The following ZFP64 variants were observed in gnomAD, a reference collection of about 807,000 sequenced individuals.
ZFP64 encodes zinc finger protein 64.
In ZFP64, 14 loss-of-function variants were observed where a neutral mutation model predicts 51.6. The ratio of observed to expected loss-of-function variants is 0.27; its 90% CI spans 0.18 to 0.42. The LOEUF is 0.42. ZFP64 is among the 10% of genes least tolerant of loss of function. The pLI, the probability that ZFP64 is intolerant of heterozygous loss-of-function variation, is 1.00. For synonymous variants in ZFP64, 375 were observed against 361.4 expected (o/e 1.04, Z -0.43); for missense variants, 754 against 906.8 (o/e 0.83, Z 2.16).
At chr20:52,180,432 C>T (rs995454053) in intron 2 of ZFP64, among the ~76,000 whole-genome samples, 10 of 149,474 alleles carry the variant, frequency 6.7e-5, no homozygotes, top group African/African-American at 1.2e-4. Flanking sequence ...TACATGCTAG[C>T]GGAGAAAACA....
At position 52,157,745 on chromosome 20, in the gene ZFP64, C is replaced by A. The variant is rs536944444; in HGVS notation, c.763+2378G>T. Among the ~76,000 whole-genome samples, 4 of 152,286 alleles carry A rather than the reference C, an allele frequency of 2.6e-5. No individual in the cohort carries two copies. The South Asian group carries it at 8.3e-4, about 32-fold the overall frequency. On this transcript the variant is annotated intron_variant, in intron 5 of 5. Coordinates refer to ENST00000216923, the MANE Select transcript of ZFP64 (RefSeq NM_018197.3). ...TGCAGGTTTGTTACACAGGTACACACGTGCCATGGTGGTTTGCTGACCCAT... is the reference window on the plus strand; with the variant it reads ...TGCAGGTTTGTTACACAGGTACACAAGTGCCATGGTGGTTTGCTGACCCAT...
rs1206393026 is a variant in ZFP64, at chr20:52,151,725, CA to C, written c.*420del. ...ATAAAATTACAATTTATTATGGGGC[CA>C]GGGGGATTCACAACCATCCTTAAAA... On this transcript the variant is annotated 3_prime_UTR_variant, in exon 6 of 6. Transcript: ENST00000216923. 3.0e-6 allele frequency: 3 copies of C among 1,008,224 alleles called. No homozygotes were observed. Among genetic ancestry groups the C allele is most frequent in the African/African-American group, 3.5e-5 (2 of 57,660 alleles). The allele number at this position is 1,008,224 out of a possible 1,614,324, so 62.5% of individuals were successfully genotyped here. A position where few individuals can be genotyped will look rare whatever the true frequency, so the allele number is the denominator to read the frequency against.
chr20:52,126,934 G>A (rs1481664901), intron 5 of ZFP64, among the ~76,000 whole-genome samples: 1 of 151,028 alleles, frequency 6.6e-6, no homozygotes, highest in East Asian at 1.9e-4. Flanking sequence ...TTTAAAGGAA[G>A]TGATATGGTT....
At chr20:52,086,478 A>T (rs1841824343) in intron 8 of ZFP64, among the ~76,000 whole-genome samples, 2 of 142,564 alleles carry the variant, frequency 1.4e-5, no homozygotes, top group African/African-American at 5.3e-5. Flanking sequence ...TTCACAAGGA[A>T]TTTTTTTTTT....
chr20:52,169,703 C>G (rs1982560247), intron 2 of ZFP64, among the ~76,000 whole-genome samples: 1 of 152,146 alleles, frequency 6.6e-6, no homozygotes, highest in South Asian at 2.1e-4. Flanking sequence ...TTTTCTCATT[C>G]CATAGGCTGT....
chr20:52,105,140 C>A, intron 5 of ZFP64: 1 of 1,432,576 alleles, frequency 7.0e-7, no homozygotes, highest in Non-Finnish European at 9.0e-7. Context: ...ACCCGGCTCC[C>A]CCGCCACCTG....
rs1984371600 is a variant in ZFP64, at chr20:52,191,535, G to T, written c.46+56C>A. On this transcript the variant is annotated intron_variant, in intron 1 of 5. Transcript: ENST00000216923. This position sits in a 1 kb window ranked among gnomAD's most constrained non-coding sequence, Gnocchi z 4.3. ...GCGTCGCAGACGTGCTTGGGCCCGG[G>T]CCCCGGAGCGCGCACTGGGCCCCGG... 3.3e-6 allele frequency: 5 copies of T among 1,497,624 alleles called. No homozygotes were observed. The highest frequency in any genetic ancestry group is 4.4e-6 in the Non-Finnish European group (5 of 1,125,850). 92.8% of individuals were successfully genotyped at this position (1,497,624 alleles called of 1,614,324 possible).
intron 2 of ZFP64, among the ~76,000 whole-genome samples, chr20:52,184,968 C>T (rs1427352379): frequency 1.3e-5 from 2 of 152,142 alleles, no homozygotes; most frequent in Non-Finnish European, 2.9e-5. Context: ...AAAGGCTCCA[C>T]TTTCTCTATA....
Position 52,152,173 on chromosome 20 carries a change from G to C in ZFP64, c.2019C>G (p.Leu673=), listed in dbSNP as rs371012655. Residue 673 remains leucine (L), a synonymous_variant, in exon 6 of 6, where the codon CTC becomes CTG. Coordinates refer to ENST00000216923, the MANE Select transcript of ZFP64 (RefSeq NM_018197.3). ...IIQGAAHPAL[L]CPADSIPD ...AATCTGGAATGGAGTCGGCGGGACA[G>C]AGCAAAGCTGGATGGGCTGCCCCTT... 2.5e-6 allele frequency: 4 copies of C among 1,614,158 alleles called. No homozygotes were observed. Among genetic ancestry groups the C allele is most frequent in the Non-Finnish European group, 3.4e-6 (4 of 1,180,018 alleles).
intron 7 of ZFP64, chr20:52,088,791 T>C (rs2078891057): frequency 9.9e-7 from 1 of 1,013,452 alleles, no homozygotes; most frequent in Admixed American, 2.3e-5. Context: ...TACATCAGCA[T>C]ATTGGGAAAC....
At chr20:52,162,025 C>T (rs562502327) in intron 4 of ZFP64, among the ~76,000 whole-genome samples, 138 of 152,322 alleles carry the variant, frequency 9.1e-4, no homozygotes, top group Admixed American at 1.8e-3. Context: ...TGGCTGGGCA[C>T]AGTGGCTGTC....
intron 4 of ZFP64, 63 bp downstream of exon 4, chr20:52,164,632 G>T: frequency 7.3e-7 from 1 of 1,378,436 alleles, no homozygotes; most frequent in Non-Finnish European, 1.0e-6. Flanking sequence ...GACCTATGTG[G>T]ATCCCCATCT....
chr20:52,173,041 C>T (rs1982884717), intron 2 of ZFP64, among the ~76,000 whole-genome samples: 1 of 152,094 alleles, frequency 6.6e-6, no homozygotes, highest in Non-Finnish European at 1.5e-5. Context: ...ATCTATTTCT[C>T]TGAAGTTTGT....
intron 5 of ZFP64, among the ~76,000 whole-genome samples, chr20:52,126,205 C>T (rs8121769): frequency 0.42 from 64,173 of 152,006 alleles, 14,562 homozygotes; most frequent in Admixed American, 0.51. Flanking sequence ...GCCCACAACA[C>T]GTATTGTTTT....
intron 2 of ZFP64, among the ~76,000 whole-genome samples, chr20:52,174,332 A>G (rs886473127): frequency 6.6e-6 from 1 of 152,082 alleles, no homozygotes; most frequent in African/African-American, 2.4e-5. Flanking sequence ...CTAAAAATAC[A>G]AAAATTAGCT....
intron 5 of ZFP64, among the ~76,000 whole-genome samples, chr20:52,102,237 G>A (rs114279338): frequency 0.011 from 1,695 of 152,056 alleles, 33 homozygotes; most frequent in African/African-American, 0.039. Flanking sequence ...ACAGCTCACA[G>A]CCAGTGGTTC....
rs749029622 is a variant in ZFP64 at position 52,105,241 on chromosome 20, G to A, written c.764-6654C>T. On this transcript the variant is annotated intron_variant, in intron 5 of 8. Coordinates refer to the ZFP64 transcript ENST00000361387. The stretch of plus-strand genomic sequence containing the variant: ...TGGCCTGCTTGCGCCGCGACATGGC[G>A]CGAGGACCGGGCTCCCCGCGCGTCC... The A allele has an allele frequency of 2.2e-6, 3 of 1,334,138 alleles. No homozygotes were observed. The African/African-American group carries it at 4.6e-5, about 20-fold the overall frequency. 82.6% of individuals were successfully genotyped at this position (1,334,138 alleles called of 1,614,324 possible). A position where few individuals can be genotyped will look rare whatever the true frequency, so the allele number is the denominator to read the frequency against.
chr20:52,104,531 C>T, intron 5 of ZFP64: 1 of 363,228 alleles, frequency 2.8e-6, no homozygotes, highest in Non-Finnish European at 5.4e-6. Context: ...CGTCCCCCGC[C>T]CCCCACCGTC....
At chr20:52,109,768 G>A (rs1388728705) in intron 5 of ZFP64, among the ~76,000 whole-genome samples, 15 of 96,678 alleles carry the variant, frequency 1.6e-4, no homozygotes, top group Admixed American at 1.1e-3. Context: ...GTGACACAGC[G>A]AAATTCCACC....
Sources: allele counts gnomAD v4.1 joint callset (sites outside exome capture counted in the v4.1 genomes callset), GRCh38; gene constraint gnomAD v4.1.1; non-coding constraint Gnocchi (gnomAD v3.1); transcripts MANE v1.5; gene names NCBI Gene and HGNC (gene_info 2026-07-23, HGNC 2026-07-21).